Variants in SBF1 observed in about 807,000 individuals in gnomAD.
SBF1 encodes the protein myotubularin-related protein 5.
A neutral mutation model predicts 215.8 loss-of-function variants in SBF1; 65 were observed. The ratio of observed to expected loss-of-function variants is 0.30; its 90% CI spans 0.25 to 0.37. The LOEUF is 0.37. SBF1 is among the 10% of genes least tolerant of loss of function. SBF1 has a pLI of 1.00. For synonymous variants in SBF1, 1,410 were observed against 1,122.8 expected (o/e 1.26, Z -5.11); for missense variants, 2,634 against 2,667.8 (o/e 0.99, Z 0.28).
chr22:50,466,121 G>C, intron 8 of SBF1, 29 bp downstream of exon 8: 1 of 1,612,812 alleles, frequency 6.2e-7, no homozygotes, highest in South Asian at 1.1e-5. Context: ...GGCCTGGGCC[G>C]TGAGGTGGAC....
chr22:50,458,398 G>A (rs1405049284), intron 28 of SBF1, among the ~76,000 whole-genome samples: 3 of 151,958 alleles, frequency 2.0e-5, no homozygotes, highest in East Asian at 1.9e-4. Context: ...GGGCACTGAG[G>A]GGGACACGGG....
intron 28 of SBF1, among the ~76,000 whole-genome samples, chr22:50,458,377 T>G (rs1057240084): frequency 1.3e-5 from 2 of 149,042 alleles, no homozygotes; most frequent in Admixed American, 6.7e-5. Context: ...CTTGAGCCCC[T>G]GAGCATTGCT....
chr22:50,458,021 C>G (rs2067326629), intron 28 of SBF1, among the ~76,000 whole-genome samples: 1 of 152,198 alleles, frequency 6.6e-6, no homozygotes, highest in South Asian at 2.1e-4. Flanking sequence ...CAGAGCTGGC[C>G]AGGCGCAGTG....
chr22:50,467,831 G>T lies in SBF1; in HGVS notation c.234C>A (p.His78Gln). 3.7e-6 allele frequency: 6 copies of T among 1,614,018 alleles called. No homozygotes were observed. The highest frequency in any genetic ancestry group is 5.1e-6 in the Non-Finnish European group (6 of 1,179,980). The stretch of plus-strand genomic sequence containing the variant: ...CCCAGAAGGTCAAGCAGGCGCAGTA[G>T]TGGCGCTCGGAGTTGATGTCGGTGA... ...AVLTDINSER[H>Q]YCACLTFWEP... The change falls in exon 3 of 41, where the codon CAC becomes CAA. Residue 78 changes from histidine to glutamine, a missense_variant. Coordinates refer to ENST00000380817, the MANE Select transcript of SBF1 (RefSeq NM_002972.4).
Position 50,460,083 on chromosome 22 carries a change from G to A in SBF1, c.3360C>T (p.Ser1120=), listed in dbSNP as rs375314405. 5.0e-6 allele frequency: 8 copies of A among 1,613,766 alleles called. No homozygotes were observed. In the African/African-American group the frequency reaches 9.3e-5, roughly 19 times the overall value. Residue 1120 remains serine (S), a synonymous_variant, in exon 26 of 41, where the codon AGC becomes AGT. Coordinates refer to ENST00000380817, the MANE Select transcript of SBF1 (RefSeq NM_002972.4). ...CGCGACAGCAAGCCCTTTCCACCAG[G>A]CTGCTCATGGTCATGCGGTCGGAGG... ...LKPSDRMTMS[S]LVERACCRDY...
In SBF1 at chr22:50,467,859, A is replaced by C; in HGVS notation, c.206T>G (p.Val69Gly). The C allele has an allele frequency of 6.2e-7, 1 of 1,614,010 alleles. No homozygotes were observed. The highest frequency in any genetic ancestry group is 1.1e-5 in the South Asian group (1 of 91,068). Residue 69 changes from valine (V) to glycine (G), a missense_variant, in exon 3 of 41, where the codon GTC becomes GGC. Coordinates refer to ENST00000380817, the MANE Select transcript of SBF1 (RefSeq NM_002972.4). ...ERNPPTFFVA[V>G]LTDINSERHY... ...GCGCTCGGAGTTGATGTCGGTGAGGACAGCAACAAAGAAGGTCGGTGGATT... is the reference window on the plus strand; with the variant it reads ...GCGCTCGGAGTTGATGTCGGTGAGGCCAGCAACAAAGAAGGTCGGTGGATT...
chr22:50,450,288 A>G (rs1352347129), intron 36 of SBF1, among the ~76,000 whole-genome samples: 1 of 152,224 alleles, frequency 6.6e-6, no homozygotes, highest in Non-Finnish European at 1.5e-5. Flanking sequence ...TGGGAGGCCA[A>G]TGCGGGTGGA....
At chr22:50,457,264 GA>G in intron 28 of SBF1, 153 bp from the exon 29 acceptor site, 1 of 560,928 alleles carries the variant, frequency 1.8e-6, no homozygotes, top group Non-Finnish European at 2.9e-6. Context: ...AGGAAAGTGG[GA>G]AGAGCCATCC....
chr22:50,458,728 C>T (rs2067367671), intron 28 of SBF1, among the ~76,000 whole-genome samples: 1 of 152,166 alleles, frequency 6.6e-6, no homozygotes, highest in Admixed American at 6.5e-5. Context: ...GCGGTGGGGA[C>T]AGAGACAGCA....
intron 1 of SBF1, 117 bp downstream of exon 1, chr22:50,474,669 G>A (rs1371149312): frequency 3.9e-6 from 2 of 509,628 alleles, no homozygotes; most frequent in East Asian, 1.3e-4. Flanking sequence ...TCGGCCTCCC[G>A]ACCCAGCCCC....
At position 50,456,516 on chromosome 22, in the gene SBF1, G is replaced by C; in HGVS notation, c.4062C>G (p.Ile1354Met). 6.5e-7 allele frequency: 1 copy of C among 1,550,212 alleles called. No individual in the cohort carries two copies. The highest frequency in any genetic ancestry group is 2.4e-5 in the East Asian group (1 of 41,568). ...FLRPQRAALY[I>M]LGDKAQLKGV... The stretch of plus-strand genomic sequence containing the variant: ...CCTTGAGCTGGGCTTTGTCCCCAAG[G>C]ATATAGAGGGCTGCTCGCTGCGGAC... Residue 1354 changes from isoleucine to methionine, a missense_variant, in exon 30 of 41, where the codon ATC becomes ATG. Coordinates refer to ENST00000380817, the MANE Select transcript of SBF1 (RefSeq NM_002972.4).
chr22:50,454,940 C>G lies in SBF1; in HGVS notation c.4686G>C (p.Leu1562=). The part of the protein sequence containing the change: ...DSDYERIELG[L]LYEEKGERRG... The stretch of plus-strand genomic sequence containing the variant: ...TGCGTTCCCCCTTCTCCTCATACAG[C>G]AGCCCTGCACAGAAGCAGCACTGAG... Residue 1562 remains leucine, a synonymous_variant, in exon 35 of 41, where the codon CTG becomes CTC. Transcript: ENST00000380817. 2 of 1,614,024 alleles carry G rather than the reference C, an allele frequency of 1.2e-6. No homozygotes were observed. The highest frequency in any genetic ancestry group is 1.7e-6 in the Non-Finnish European group (2 of 1,180,030).
chr22:50,464,305 G>A (rs373526527), intron 15 of SBF1, 24 bp downstream of exon 15: 39 of 1,588,588 alleles, frequency 2.5e-5, no homozygotes, highest in African/African-American at 5.4e-5. Context: ...GCCCTGGCCC[G>A]GCTGGAGCCT....
rs761864795 is a variant in SBF1, at chr22:50,445,425, C to G, written c.*1717G>C. The G allele has an allele frequency of 6.6e-6, 1 of 152,246 alleles. No individual in the cohort carries two copies. Among genetic ancestry groups the G allele is most frequent in the Non-Finnish European group, 1.5e-5 (1 of 68,074 alleles). The allele number at this position is 152,246 out of a possible 1,614,324, so 9.4% of individuals were successfully genotyped here. On this transcript the variant is annotated 3_prime_UTR_variant, in exon 41 of 41. Transcript: ENST00000380817. The stretch of plus-strand genomic sequence containing the variant: ...GCAGGTGGAGACCAGACCCCCACCC[C>G]GCCCCAGCGAGCTTGTCTTTCCACC...
intron 39 of SBF1, 24 bp downstream of exon 39, chr22:50,447,497 TC>T (rs752405650): frequency 6.5e-5 from 84 of 1,296,344 alleles, no homozygotes; most frequent in South Asian, 3.5e-4. Context: ...CCCCCGTGAG[TC>T]CCCCCCACCA....
rs1219756293 is a variant in SBF1, at chr22:50,456,474, C to T, written c.4086+18G>A. On this transcript the variant is annotated intron_variant, in intron 30 of 40. Coordinates refer to ENST00000380817, the MANE Select transcript of SBF1 (RefSeq NM_002972.4). Reference sequence around the variant, plus strand: ...CCGAGCCCCCACCCTCACCCCCCACCCCCCGCACCCCAGTCACCTTGAGCT... The same window carrying T: ...CCGAGCCCCCACCCTCACCCCCCACTCCCCGCACCCCAGTCACCTTGAGCT... The T allele has an allele frequency of 2.6e-6, 4 of 1,513,450 alleles. No homozygotes were observed. In the Admixed American group the frequency reaches 6.0e-5, roughly 23 times the overall value. The allele number at this position is 1,513,450 out of a possible 1,614,324, so 93.8% of individuals were successfully genotyped here.
In SBF1 at chr22:50,460,281, C is replaced by T. The variant is rs371576175; in HGVS notation, c.3274G>A (p.Glu1092Lys). 3.7e-5 allele frequency: 59 copies of T among 1,605,778 alleles called. No homozygotes were observed. Among genetic ancestry groups the T allele is most frequent in the Admixed American group, 5.0e-5 (3 of 59,644 alleles). ...GQPPPEDQEDEISVSEELEPS... is the reference protein window; with the variant it reads ...GQPPPEDQEDKISVSEELEPS... ...ACCCCCACCCCTCCACCTGAGATCT[C>T]GTCCTCCTGGTCCTCAGGGGGCGGC... The change falls in exon 25 of 41, where the codon GAG becomes AAG. Residue 1092 changes from glutamate to lysine, a missense_variant. Coordinates refer to ENST00000380817, the MANE Select transcript of SBF1 (RefSeq NM_002972.4).
At chr22:50,450,657 A>G (rs551010131) in intron 36 of SBF1, among the ~76,000 whole-genome samples, 1 of 152,346 alleles carries the variant, frequency 6.6e-6, no homozygotes, top group South Asian at 2.1e-4. Context: ...AGCCCTGGAG[A>G]GGCCACACGC....
rs370474538 is a variant in SBF1, at chr22:50,459,808, C to G, written c.3492-142G>C. On this transcript the variant is annotated intron_variant, in intron 26 of 40. Coordinates refer to ENST00000380817, the MANE Select transcript of SBF1 (RefSeq NM_002972.4). ...AGCCACGGGGCCCCCCAGCCACCCC[C>G]CAGCCCTGTGGCCCGTCCCTCTGCC... The G allele has an allele frequency of 5.2e-5, 69 of 1,329,370 alleles. No homozygotes were observed. In the Middle Eastern group the frequency reaches 8.2e-4, roughly 16 times the overall value. The allele number at this position is 1,329,370 out of a possible 1,614,324, so 82.3% of individuals were successfully genotyped here.
Sources: allele counts gnomAD v4.1 joint callset (sites outside exome capture counted in the v4.1 genomes callset), GRCh38; gene constraint gnomAD v4.1.1; transcripts MANE v1.5; gene names NCBI Gene and HGNC (gene_info 2026-07-23, HGNC 2026-07-21).